ACTR3: variants seen among roughly 807,000 people sequenced by gnomAD.
ACTR3 encodes the protein actin related protein 3.
A neutral mutation model predicts 56.8 loss-of-function variants in ACTR3; 12 were observed. The ratio of observed to expected loss-of-function variants is 0.21; its 90% confidence interval spans 0.14 to 0.34. ACTR3 has a LOEUF of 0.34. Ranked by LOEUF, ACTR3 falls within the 10% of genes least tolerant of loss-of-function variation. The pLI, the probability that ACTR3 is intolerant of heterozygous loss-of-function variation, is 1.00. For missense variants in ACTR3, 282 were observed against 512.5 expected, an observed-to-expected ratio of 0.55 and a Z score of 4.34; for synonymous variants, 162 against 167.4, an observed-to-expected ratio of 0.97 and a Z score of 0.25.
At chr2:113,891,362 G>T (rs758017712) in intron 1 of ACTR3, among the ~76,000 whole-genome samples, 1 of 151,524 alleles carries the variant, frequency 6.6e-6, no homozygotes, top group South Asian at 2.1e-4. Context: ...GATATGTAGG[G>T]TAGTTTGCGA....
At chr2:113,923,796 C>T (rs1397410894) in intron 3 of ACTR3, among the ~76,000 whole-genome samples, 1 of 149,674 alleles carries the variant, frequency 6.7e-6, no homozygotes, top group Non-Finnish European at 1.5e-5. Context: ...TCATTAAAGA[C>T]TTTCTCTAGG....
chr2:113,936,349 T>TATTCCTG (rs1679826889), intron 6 of ACTR3, among the ~76,000 whole-genome samples: 1 of 145,988 alleles, frequency 6.8e-6, no homozygotes, highest in African/African-American at 2.6e-5. Context: ...TGCTATTCCT[T>TATTCCTG]TTTATTGTTT....
rs1205601344 is a variant in ACTR3 at position 113,960,394 on chromosome 2, C to T, written c.*2939C>T. Reference sequence around the variant, plus strand: ...TACTTAAAAGATTAAAATAACTATTCTTGCAGATATTTCTAGGAATATTTT... The same window carrying T: ...TACTTAAAAGATTAAAATAACTATTTTTGCAGATATTTCTAGGAATATTTT... On this transcript the variant is annotated 3_prime_UTR_variant, in exon 12 of 12. Coordinates refer to ENST00000263238, the MANE Select transcript of ACTR3 (RefSeq NM_005721.5). 1 of 151,906 alleles carries T rather than the reference C, an allele frequency of 6.6e-6. No homozygotes were observed. Among genetic ancestry groups the T allele is most frequent in the East Asian group, 1.9e-4 (1 of 5,198 alleles). The allele number at this position is 151,906 out of a possible 1,614,324, so 9.4% of individuals were successfully genotyped here. A position where few individuals can be genotyped will look rare whatever the true frequency, so the allele number is the denominator to read the frequency against.
chr2:113,895,982 C>T (rs1393338978), intron 1 of ACTR3, among the ~76,000 whole-genome samples: 2 of 152,114 alleles, frequency 1.3e-5, no homozygotes, highest in African/African-American at 4.8e-5. Context: ...CCTCAGTCCC[C>T]CGAGTAGCTG....
At chr2:113,907,058 T>A (rs528842772) in intron 1 of ACTR3, among the ~76,000 whole-genome samples, 6 of 152,308 alleles carry the variant, frequency 3.9e-5, no homozygotes, top group African/African-American at 1.4e-4. Flanking sequence ...ATATGAAAGT[T>A]TGTCCCAAGT....
At chr2:113,911,419 C>G (rs1376055415) in intron 1 of ACTR3, among the ~76,000 whole-genome samples, 1 of 117,852 alleles carries the variant, frequency 8.5e-6, no homozygotes, top group Non-Finnish European at 1.7e-5. Context: ...ATTTGGCACA[C>G]TTTTTTTTTT....
intron 10 of ACTR3, 97 bp from the exon 11 acceptor site, chr2:113,955,526 C>G (rs1680193543): frequency 2.3e-6 from 2 of 873,776 alleles, no homozygotes. Context: ...GAATTTAGTA[C>G]AGATATTATT....
intron 1 of ACTR3, among the ~76,000 whole-genome samples, chr2:113,907,123 G>A (rs1374572022): frequency 6.6e-6 from 1 of 152,150 alleles, no homozygotes; most frequent in African/African-American, 2.4e-5. Context: ...AAAAAATGAA[G>A]CCATTTAAAC....
chr2:113,935,149 C>T (rs1183548914), intron 6 of ACTR3, among the ~76,000 whole-genome samples: 2 of 152,108 alleles, frequency 1.3e-5, no homozygotes, highest in Non-Finnish European at 2.9e-5. Flanking sequence ...CCACCACTTT[C>T]ACCCTCATGA....
chr2:113,890,607 G>C, intron 1 of ACTR3: 2 of 1,311,276 alleles, frequency 1.5e-6, no homozygotes, highest in Non-Finnish European at 1.9e-6. Flanking sequence ...CACTACGGTG[G>C]GCAGCGCCGC....
chr2:113,915,857 A>G (rs1407664258), intron 2 of ACTR3, among the ~76,000 whole-genome samples: 3 of 152,190 alleles, frequency 2.0e-5, no homozygotes, highest in Non-Finnish European at 4.4e-5. Context: ...TCACCCACCC[A>G]GTTTTAATGC....
At chr2:113,893,538 C>T (rs529526723) in intron 1 of ACTR3, among the ~76,000 whole-genome samples, 3 of 152,224 alleles carry the variant, frequency 2.0e-5, no homozygotes, top group South Asian at 2.1e-4. Context: ...GTGATCCACC[C>T]GCCTCAACCT....
At chr2:113,915,308 G>A (rs981899454) in intron 2 of ACTR3, among the ~76,000 whole-genome samples, 11 of 152,122 alleles carry the variant, frequency 7.2e-5, no homozygotes, top group Non-Finnish European at 1.5e-4. Flanking sequence ...TGATAGATGC[G>A]TCACTCCAGT....
intron 1 of ACTR3, among the ~76,000 whole-genome samples, chr2:113,894,521 A>G (rs139133248): frequency 1.1e-3 from 165 of 152,356 alleles, no homozygotes; most frequent in African/African-American, 3.7e-3. Flanking sequence ...AGTAAGTACA[A>G]CAGACATGCT....
chr2:113,902,277 A>C (rs969135287), intron 1 of ACTR3, among the ~76,000 whole-genome samples: 2 of 151,722 alleles, frequency 1.3e-5, no homozygotes, highest in African/African-American at 2.4e-5. Context: ...TTCTACTATT[A>C]TTCTTCTAGT....
intron 5 of ACTR3, 24 bp from the exon 6 acceptor site, chr2:113,934,255 C>CTTTTTTTTTTTTTTTTTTTTTTTTTTT: frequency 7.2e-7 from 1 of 1,384,796 alleles, no homozygotes; most frequent in Non-Finnish European, 9.6e-7. Flanking sequence ...GTTTTTTTGC[C>CTTTTTTTTTTTTTTTTTTTTTTTTTTT]TTTCTTCTTT....
intron 1 of ACTR3, among the ~76,000 whole-genome samples, chr2:113,909,992 A>G (rs1679272584): frequency 6.6e-6 from 1 of 152,198 alleles, no homozygotes; most frequent in Non-Finnish European, 1.5e-5. Context: ...CTTCAACTCC[A>G]TATTCGGACA....
chr2:113,945,959 G>A (rs1294533397), intron 8 of ACTR3, among the ~76,000 whole-genome samples: 1 of 152,182 alleles, frequency 6.6e-6, no homozygotes, highest in Non-Finnish European at 1.5e-5. Flanking sequence ...GCATGTTCCT[G>A]CAAAGAACAT....
intron 1 of ACTR3, among the ~76,000 whole-genome samples, chr2:113,908,893 T>A (rs1679252894): frequency 6.6e-6 from 1 of 152,116 alleles, no homozygotes; most frequent in Admixed American, 6.5e-5. Flanking sequence ...ACATTTTTTT[T>A]GAGACAGGAA....
Sources: gnomAD v4.1 joint callset for allele counts (sites outside exome capture counted in the v4.1 genomes callset) on GRCh38, gnomAD v4.1.1 for gene constraint, MANE v1.5 for transcripts, NCBI Gene and HGNC (gene_info 2026-07-23, HGNC 2026-07-21) for gene names.